DPH6: variants seen among roughly 807,000 people sequenced by gnomAD.
DPH6 encodes diphthine--ammonia ligase.
A neutral mutation model predicts 38.2 loss-of-function variants in DPH6; 33 were observed. That is an observed-to-expected ratio of 0.86 (90% confidence interval 0.65 to 1.15). DPH6 has a LOEUF of 1.15. Ranked by LOEUF, DPH6 falls within the 50% of genes most tolerant of loss-of-function variation. DPH6 has a pLI of 0.00. For missense variants in DPH6, 325 were observed against 320.0 expected, an observed-to-expected ratio of 1.02 and a Z score of -0.12; for synonymous variants, 108 against 103.0, an observed-to-expected ratio of 1.05 and a Z score of -0.30.
chr15:35,516,452 C>G (rs1448296745), intron 3 of DPH6, among the ~76,000 whole-genome samples: 4 of 152,148 alleles, frequency 2.6e-5, no homozygotes, highest in Non-Finnish European at 5.9e-5. Flanking sequence ...CGTACTACTA[C>G]TAGTCTTACT....
intron 7 of DPH6, among the ~76,000 whole-genome samples, chr15:35,378,202 T>C (rs1345708302): frequency 6.6e-6 from 1 of 152,254 alleles, no homozygotes; most frequent in African/African-American, 2.4e-5. Flanking sequence ...AAGACATTTA[T>C]GCAGCCAACA....
the DPH6 span, among the ~76,000 whole-genome samples, chr15:35,147,797 C>G: frequency 6.6e-6 from 1 of 152,164 alleles, no homozygotes. Flanking sequence ...GAATTTAAAA[C>G]ACAATTATTA....
At chr15:35,361,269 A>T (rs2052611880) in intron 3 of DPH6, among the ~76,000 whole-genome samples, 1 of 152,170 alleles carries the variant, frequency 6.6e-6, no homozygotes, top group African/African-American at 2.4e-5. Context: ...ATACTCCCAC[A>T]AGGGCATTTT....
chr15:35,285,284 C>T (rs1272751107), intron 3 of DPH6, among the ~76,000 whole-genome samples: 1 of 152,182 alleles, frequency 6.6e-6, no homozygotes, highest in African/African-American at 2.4e-5. Flanking sequence ...TGTGTCCCCA[C>T]CCAAATCTCA....
intron 1 of DPH6, among the ~76,000 whole-genome samples, chr15:35,545,891 G>A (rs1444388227): frequency 2.0e-5 from 3 of 152,168 alleles, no homozygotes; most frequent in South Asian, 4.1e-4. Context: ...AAGTTTAAGG[G>A]CTAGAAGACC....
chr15:35,180,252 T>A, the DPH6 span, among the ~76,000 whole-genome samples: 1 of 152,162 alleles, frequency 6.6e-6, no homozygotes, highest in Non-Finnish European at 1.5e-5. Flanking sequence ...AATAAACTCA[T>A]TAATTAATTA....
intron 3 of DPH6, among the ~76,000 whole-genome samples, chr15:35,502,971 T>C (rs1185014116): frequency 3.4e-5 from 5 of 148,582 alleles, no homozygotes; most frequent in African/African-American, 1.2e-4. Flanking sequence ...CACACACCAG[T>C]GTGCCTGGCC....
At chr15:35,147,580 A>G in the DPH6 span, among the ~76,000 whole-genome samples, 58 of 152,194 alleles carry the variant, frequency 3.8e-4, no homozygotes, top group Non-Finnish European at 7.8e-4. Context: ...GAAAGGCTTC[A>G]TATATCCAGA....
At chr15:35,380,310 C>A (rs2052846948) in intron 7 of DPH6, among the ~76,000 whole-genome samples, 1 of 152,188 alleles carries the variant, frequency 6.6e-6, no homozygotes, top group African/African-American at 2.4e-5. Flanking sequence ...TCCCTTCATG[C>A]CACTGTCTCT....
At chr15:35,501,432 ATCT>A (rs1220292319) in intron 3 of DPH6, among the ~76,000 whole-genome samples, 1 of 152,176 alleles carries the variant, frequency 6.6e-6, no homozygotes, top group Non-Finnish European at 1.5e-5. Context: ...TTTTCTAGGA[ATCT>A]TCATTATGTT....
At chr15:35,243,825 GA>G (rs1431989614) in intron 3 of DPH6, among the ~76,000 whole-genome samples, 1 of 152,126 alleles carries the variant, frequency 6.6e-6, no homozygotes, top group African/African-American at 2.4e-5. Context: ...TCTTCCCACG[GA>G]CGCGCATGAA....
At chr15:35,409,581 G>C (rs2140991826) in intron 6 of DPH6, among the ~76,000 whole-genome samples, 1 of 151,934 alleles carries the variant, frequency 6.6e-6, no homozygotes, top group East Asian at 1.9e-4. Flanking sequence ...AGCTCTTTTG[G>C]CCAATAACTT....
At chr15:35,490,304 G>A (rs2054459547) in intron 3 of DPH6, 1 of 428,258 alleles carries the variant, frequency 2.3e-6, no homozygotes, top group Middle Eastern at 1.2e-3. Context: ...ATGAATGTGA[G>A]TAACTAATAC....
downstream of DPH6, chr15:35,366,001 TA>T (rs2140912553): frequency 1.0e-6 from 1 of 985,200 alleles, no homozygotes; most frequent in South Asian, 4.7e-5. Context: ...AGAGACAGGG[TA>T]GGAAAGTTGT....
chr15:35,198,812 G>A, the DPH6 span, among the ~76,000 whole-genome samples: 1 of 152,142 alleles, frequency 6.6e-6, no homozygotes, highest in Non-Finnish European at 1.5e-5. Flanking sequence ...CTTACTATAA[G>A]TACAGCCAGG....
At chr15:35,259,387 C>T (rs2140416419) in intron 3 of DPH6, among the ~76,000 whole-genome samples, 1 of 152,226 alleles carries the variant, frequency 6.6e-6, no homozygotes, top group Admixed American at 6.5e-5. Context: ...TATACTTCCT[C>T]CTGGGAGCAG....
intron 5 of DPH6, 106 bp downstream of exon 5, chr15:35,450,579 T>C: frequency 1.1e-6 from 1 of 945,846 alleles, no homozygotes; most frequent in Non-Finnish European, 1.6e-6. Context: ...TGACTCCACA[T>C]TTTTATATTC....
At chr15:35,215,194 T>C (rs985444033), downstream of DPH6, among the ~76,000 whole-genome samples, 1 of 152,210 alleles carries the variant, frequency 6.6e-6, no homozygotes, top group Non-Finnish European at 1.5e-5. Context: ...CTGTGCCACT[T>C]GCCCACTTGG....
At chr15:35,336,752 T>C (rs2052376383) in intron 3 of DPH6, among the ~76,000 whole-genome samples, 1 of 152,216 alleles carries the variant, frequency 6.6e-6, no homozygotes, top group Non-Finnish European at 1.5e-5. Flanking sequence ...TTACATTTAT[T>C]GATTTGCGTA....
Sources: gnomAD v4.1 joint callset for allele counts (sites outside exome capture counted in the v4.1 genomes callset) on GRCh38, gnomAD v4.1.1 for gene constraint, MANE v1.5 for transcripts, NCBI Gene and HGNC (gene_info 2026-07-23, HGNC 2026-07-21) for gene names.